The following MLLT3 variants were observed in gnomAD, a reference collection of about 807,000 sequenced individuals.
MLLT3 encodes MLLT3 super elongation complex subunit, also known as protein AF-9.
A neutral mutation model predicts 53.2 loss-of-function variants in MLLT3; 4 were observed. The observed-to-expected ratio is 0.08, with a 90% CI of 0.04 to 0.17. The LOEUF (loss-of-function observed/expected upper bound fraction) is 0.17, where lower values mean the gene tolerates loss of function less well. Among genes scored for constraint, MLLT3 ranks in the 10% least tolerant of loss-of-function variants. The pLI is 1.00. For synonymous variants in MLLT3, 283 were observed against 230.6 expected (o/e 1.23, Z -2.06); for missense variants, 569 against 684.0 (o/e 0.83, Z 1.87).
intron 5 of MLLT3, among the ~76,000 whole-genome samples, chr9:20,371,699 C>G (rs1457738534): frequency 6.6e-6 from 1 of 152,178 alleles, no homozygotes; most frequent in Admixed American, 6.5e-5. Flanking sequence ...GAAAGCTCTG[C>G]AGGAGATGCA....
At chr9:20,542,412 G>A (rs1057192435) in intron 2 of MLLT3, among the ~76,000 whole-genome samples, 6 of 151,978 alleles carry the variant, frequency 3.9e-5, no homozygotes, top group South Asian at 2.1e-4. Flanking sequence ...CACCGCGCCC[G>A]GCTAATTTTT....
At chr9:20,517,455 CAAA>C (rs79900808) in intron 2 of MLLT3, among the ~76,000 whole-genome samples, 2 of 88,956 alleles carry the variant, frequency 2.2e-5, no homozygotes. Context: ...GACTCTGTCT[CAAA>C]AAAAAAAAAA....
At chr9:20,436,223 C>T (rs1223925658) in intron 4 of MLLT3, among the ~76,000 whole-genome samples, 2 of 152,136 alleles carry the variant, frequency 1.3e-5, no homozygotes, top group East Asian at 3.8e-4. Flanking sequence ...CATAACCTTG[C>T]TGTTCAACTG....
At chr9:20,389,810 G>A (rs1822140953) in intron 5 of MLLT3, among the ~76,000 whole-genome samples, 1 of 152,006 alleles carries the variant, frequency 6.6e-6, no homozygotes, top group African/African-American at 2.4e-5. Context: ...GAAAAAGGAA[G>A]GGAAAGAAAA....
At chr9:20,561,990 C>T (rs1007057249) in intron 2 of MLLT3, among the ~76,000 whole-genome samples, 4 of 151,940 alleles carry the variant, frequency 2.6e-5, no homozygotes, top group Non-Finnish European at 5.9e-5. Context: ...AGGACATCAC[C>T]AAGGGGAGAT....
intron 2 of MLLT3, among the ~76,000 whole-genome samples, chr9:20,507,190 G>T (rs146577255): frequency 3.3e-4 from 51 of 152,260 alleles, no homozygotes; most frequent in African/African-American, 1.1e-3. Context: ...AGGGAAAGGG[G>T]ACTAGCTGAA....
At chr9:20,561,126 C>T (rs1055649209) in intron 2 of MLLT3, among the ~76,000 whole-genome samples, 1 of 152,080 alleles carries the variant, frequency 6.6e-6, no homozygotes, top group Non-Finnish European at 1.5e-5. Flanking sequence ...GTTACACATG[C>T]ATGCACGCAC....
intron 4 of MLLT3, among the ~76,000 whole-genome samples, chr9:20,429,291 C>T (rs917373565): frequency 3.3e-5 from 5 of 152,018 alleles, no homozygotes; most frequent in Admixed American, 6.6e-5. Context: ...TCCCTTGAGC[C>T]CAGGAGTTGG....
intron 3 of MLLT3, among the ~76,000 whole-genome samples, chr9:20,449,802 GT>G (rs1381397475): frequency 6.6e-6 from 1 of 152,026 alleles, no homozygotes; most frequent in Non-Finnish European, 1.5e-5. Context: ...TTCTCTCCTG[GT>G]TTTCCTCATA....
chr9:20,391,537 A>C (rs1048019377), intron 5 of MLLT3, among the ~76,000 whole-genome samples: 1 of 152,210 alleles, frequency 6.6e-6, no homozygotes, highest in African/African-American at 2.4e-5. Flanking sequence ...AGGCGGATCA[A>C]AGAGCAGCCT....
At chr9:20,614,769 T>C (rs1563844757) in intron 2 of MLLT3, among the ~76,000 whole-genome samples, 1 of 152,016 alleles carries the variant, frequency 6.6e-6, no homozygotes, top group Non-Finnish European at 1.5e-5. Flanking sequence ...ACAAGAAAAG[T>C]TCTATATCTT....
At chr9:20,375,271 C>G (rs1038508440) in intron 5 of MLLT3, among the ~76,000 whole-genome samples, 1 of 152,144 alleles carries the variant, frequency 6.6e-6, no homozygotes, top group African/African-American at 2.4e-5. Flanking sequence ...GAATTAGAAC[C>G]GGATTTTCTG....
intron 5 of MLLT3, among the ~76,000 whole-genome samples, chr9:20,385,603 A>G (rs549162275): frequency 1.4e-4 from 21 of 152,310 alleles, no homozygotes; most frequent in Non-Finnish European, 2.6e-4. Flanking sequence ...GTCCAAAAAG[A>G]TTTTAGAAAG....
chr9:20,575,767 T>A (rs1193927077), intron 2 of MLLT3, among the ~76,000 whole-genome samples: 1 of 152,212 alleles, frequency 6.6e-6, no homozygotes, highest in Non-Finnish European at 1.5e-5. Context: ...CAGGCTTTGT[T>A]GTTCCATTTA....
At chr9:20,431,167 CTA>C (rs1426127823) in intron 4 of MLLT3, among the ~76,000 whole-genome samples, 5 of 152,216 alleles carry the variant, frequency 3.3e-5, no homozygotes, top group Non-Finnish European at 5.9e-5. Flanking sequence ...GGTGACTGCT[CTA>C]TGACCCAGCA....
intron 2 of MLLT3, among the ~76,000 whole-genome samples, chr9:20,484,019 C>A (rs1267685303): frequency 6.6e-6 from 1 of 152,022 alleles, no homozygotes; most frequent in Non-Finnish European, 1.5e-5. Flanking sequence ...CCCAGTAAAA[C>A]TCTTAATTTA....
rs1820772629 is a variant in MLLT3, at chr9:20,342,921, T to C, written c.*3522A>G. 5.3e-6 allele frequency: 1 copy of C among 187,082 alleles called. No individual in the cohort carries two copies. The highest frequency in any genetic ancestry group is 8.5e-5 in the East Asian group (1 of 11,744). 11.6% of individuals were successfully genotyped at this position (187,082 alleles called of 1,614,324 possible). On this transcript the variant is annotated 3_prime_UTR_variant, in exon 11 of 11. Transcript: ENST00000380338. ...CGCTAAAGGTGGAAAGTAATAAGCA[T>C]ACAGCAAATTACTCCAGAGCAGATC...
chr9:20,378,542 T>C (rs531457911), intron 5 of MLLT3, among the ~76,000 whole-genome samples: 5 of 152,132 alleles, frequency 3.3e-5, no homozygotes, highest in South Asian at 2.1e-4. Flanking sequence ...GAAGTGCACA[T>C]AGCTTTTCTT....
intron 4 of MLLT3, among the ~76,000 whole-genome samples, chr9:20,423,673 G>C (rs1823072215): frequency 6.6e-6 from 1 of 151,556 alleles, no homozygotes. Context: ...AATTAGCCAG[G>C]CGTAGTGGCA....
Sources: allele counts gnomAD v4.1 joint callset (sites outside exome capture counted in the v4.1 genomes callset), GRCh38; gene constraint gnomAD v4.1.1; transcripts MANE v1.5; gene names NCBI Gene and HGNC (gene_info 2026-07-23, HGNC 2026-07-21).